Variants in CFAP299 observed in about 807,000 individuals in gnomAD.
CFAP299 encodes the protein cilia- and flagella-associated protein 299.
In CFAP299, 21 loss-of-function variants were observed where a neutral mutation model predicts 27.0. The observed-to-expected ratio is 0.78, with a 90% CI of 0.55 to 1.12. The LOEUF is 1.12. Among genes scored for constraint, CFAP299 ranks in the 50% most tolerant of loss-of-function variants. The probability of loss-of-function intolerance (pLI) is 0.00; values close to 1 mark genes in which losing one functional copy is unlikely to be tolerated. For synonymous variants in CFAP299, 104 were observed against 98.1 expected (o/e 1.06, Z -0.36); for missense variants, 310 against 276.6 (o/e 1.12, Z -0.86).
chr4:80,859,518 C>T (rs148080486), intron 3 of CFAP299, among the ~76,000 whole-genome samples: 2 of 151,980 alleles, frequency 1.3e-5, no homozygotes, highest in African/African-American at 2.4e-5. Flanking sequence ...ATGGTCTTTA[C>T]ATTTTGGCAT....
intron 2 of CFAP299, among the ~76,000 whole-genome samples, chr4:80,562,119 A>G (rs1162890030): frequency 6.6e-6 from 1 of 152,150 alleles, no homozygotes; most frequent in Non-Finnish European, 1.5e-5. Flanking sequence ...GCCTCATAGT[A>G]ACCTCAAGTA....
chr4:80,331,301 CA>C (rs1026805074), upstream of CFAP299, among the ~76,000 whole-genome samples: 33 of 152,152 alleles, frequency 2.2e-4, no homozygotes, highest in African/African-American at 7.5e-4. Context: ...TAAGCCATGT[CA>C]AAAAGACAAA....
chr4:80,769,894 C>A (rs1726112621), intron 3 of CFAP299, among the ~76,000 whole-genome samples: 1 of 152,202 alleles, frequency 6.6e-6, no homozygotes, highest in Non-Finnish European at 1.5e-5. Flanking sequence ...AGGCCCCTGT[C>A]TTCTTGCTTA....
the CFAP299 span, among the ~76,000 whole-genome samples, chr4:80,324,684 C>T: frequency 6.6e-6 from 1 of 152,150 alleles, no homozygotes; most frequent in Non-Finnish European, 1.5e-5. Context: ...GAGAGAAAAC[C>T]ATTTACAAAG....
intron 2 of CFAP299, among the ~76,000 whole-genome samples, chr4:80,436,763 G>T (rs78601982): frequency 3.9e-5 from 6 of 152,124 alleles, no homozygotes; most frequent in Admixed American, 3.9e-4. Context: ...TTTTGTCCTT[G>T]GGTAATTTTG....
At chr4:80,526,142 T>G (rs1240353316) in intron 2 of CFAP299, among the ~76,000 whole-genome samples, 1 of 152,086 alleles carries the variant, frequency 6.6e-6, no homozygotes, top group Non-Finnish European at 1.5e-5. Flanking sequence ...TGGCCGGAAG[T>G]CGGGTCATAG....
At chr4:80,421,685 A>G (rs1326155836) in intron 2 of CFAP299, among the ~76,000 whole-genome samples, 1 of 152,204 alleles carries the variant, frequency 6.6e-6, no homozygotes, top group Non-Finnish European at 1.5e-5. Context: ...GCGGGATTTC[A>G]TGAATGAACT....
At chr4:80,554,172 G>C (rs565964540) in intron 2 of CFAP299, among the ~76,000 whole-genome samples, 13 of 152,060 alleles carry the variant, frequency 8.5e-5, no homozygotes, top group Non-Finnish European at 1.6e-4. Context: ...TTTTGTATAT[G>C]GTGTAAGGAA....
chr4:80,649,511 A>G (rs889401525), intron 3 of CFAP299, among the ~76,000 whole-genome samples: 2 of 152,106 alleles, frequency 1.3e-5, no homozygotes, highest in South Asian at 2.1e-4. Flanking sequence ...TAATGAAACA[A>G]TTTTATTTCA....
chr4:80,387,407 C>T (rs1293561706), intron 2 of CFAP299: 1 of 1,011,228 alleles, frequency 9.9e-7, no homozygotes, highest in East Asian at 2.4e-5. Context: ...GCTGAACTTG[C>T]TGGGGCAGAA....
intron 3 of CFAP299, among the ~76,000 whole-genome samples, chr4:80,638,150 G>A (rs1220792559): frequency 6.6e-6 from 1 of 152,156 alleles, no homozygotes; most frequent in African/African-American, 2.4e-5. Context: ...GTCACACAGA[G>A]AGTAGGAACA....
chr4:80,694,849 G>A (rs948272166), intron 3 of CFAP299, among the ~76,000 whole-genome samples: 1 of 152,144 alleles, frequency 6.6e-6, no homozygotes, highest in Non-Finnish European at 1.5e-5. Context: ...ATTGAATTGT[G>A]CAGAATGAAT....
At chr4:80,763,982 A>G (rs918881519) in intron 3 of CFAP299, among the ~76,000 whole-genome samples, 2 of 152,202 alleles carry the variant, frequency 1.3e-5, no homozygotes, top group Admixed American at 1.3e-4. Context: ...CTTAAATGTA[A>G]TACCTAAAAC....
chr4:80,387,446 A>G (rs1725075408), intron 2 of CFAP299: 1 of 842,312 alleles, frequency 1.2e-6, no homozygotes, highest in African/African-American at 1.7e-5. Flanking sequence ...GTAGATGAGG[A>G]CTACCTGCTT....
At position 80,525,247 on chromosome 4, in the gene CFAP299, G is replaced by A. The variant is rs573116190; in HGVS notation, c.243-57846G>A. Among the ~76,000 whole-genome samples, 19 of 152,220 alleles carry A rather than the reference G, an allele frequency of 1.2e-4. No homozygotes were observed. The South Asian group carries it at 3.9e-3, about 32-fold the overall frequency. ...AGACAAAGGCCTTACCTGCACTCAAGGGAAGAGGATTATACAAAGACATGA... is the reference window on the plus strand; with the variant it reads ...AGACAAAGGCCTTACCTGCACTCAAAGGAAGAGGATTATACAAAGACATGA... On this transcript the variant is annotated intron_variant, in intron 2 of 5. Transcript: ENST00000358105.
At chr4:80,566,725 A>G (rs1164338945) in intron 2 of CFAP299, among the ~76,000 whole-genome samples, 2 of 152,044 alleles carry the variant, frequency 1.3e-5, no homozygotes, top group African/African-American at 4.8e-5. Context: ...TTCCTTGTGT[A>G]AATATAACCA....
At chr4:80,809,220 A>G (rs1729016048) in intron 3 of CFAP299, among the ~76,000 whole-genome samples, 1 of 152,158 alleles carries the variant, frequency 6.6e-6, no homozygotes, top group East Asian at 1.9e-4. Flanking sequence ...CCTACTTTAC[A>G]TGGAGACATC....
At chr4:80,745,522 G>T (rs1724533578) in intron 3 of CFAP299, among the ~76,000 whole-genome samples, 1 of 151,992 alleles carries the variant, frequency 6.6e-6, no homozygotes, top group South Asian at 2.1e-4. Flanking sequence ...AAATTTCAGA[G>T]TAGTTTTTTT....
At chr4:80,647,696 CT>C (rs33969455) in intron 3 of CFAP299, among the ~76,000 whole-genome samples, 108,236 of 152,094 alleles carry the variant, frequency 0.71, 41,674 homozygotes, top group Non-Finnish European at 0.85. Context: ...GCTAGTTGTT[CT>C]TTTTATTTAT....
Sources: gnomAD v4.1 joint callset for allele counts (sites outside exome capture counted in the v4.1 genomes callset) on GRCh38, gnomAD v4.1.1 for gene constraint, MANE v1.5 for transcripts, NCBI Gene and HGNC (gene_info 2026-07-23, HGNC 2026-07-21) for gene names.